Variants in OTUD7A observed in about 807,000 individuals in gnomAD.
The protein encoded by OTUD7A is OTU domain-containing protein 7A.
Under a neutral mutation model 65.7 loss-of-function variants are expected in OTUD7A, and 12 were observed. The observed-to-expected ratio is 0.18, with a 90% confidence interval of 0.12 to 0.30. The LOEUF (loss-of-function observed/expected upper bound fraction) is 0.30. OTUD7A is among the 10% of genes least tolerant of loss of function. The pLI, the probability that OTUD7A is intolerant of heterozygous loss-of-function variation, is 1.00. For synonymous variants in OTUD7A, 641 were observed against 586.3 expected, an observed-to-expected ratio of 1.09 and a Z score of -1.35; for missense variants, 1,148 against 1,304.8, an observed-to-expected ratio of 0.88 and a Z score of 1.85.
At chr15:31,663,893 A>T (rs536323008) in intron 1 of OTUD7A, among the ~76,000 whole-genome samples, 1 of 152,196 alleles carries the variant, frequency 6.6e-6, no homozygotes, top group Non-Finnish European at 1.5e-5. Flanking sequence ...CTCATAGCTT[A>T]GCTCCCACAT....
At chr15:31,720,798 C>T (rs1388433079) in intron 1 of OTUD7A, among the ~76,000 whole-genome samples, 1 of 151,200 alleles carries the variant, frequency 6.6e-6, no homozygotes, top group East Asian at 1.9e-4. Context: ...ATTCACCACC[C>T]TGGCCTTCAC....
At chr15:31,642,584 A>G (rs1477191667) in intron 3 of OTUD7A, among the ~76,000 whole-genome samples, 2 of 147,214 alleles carry the variant, frequency 1.4e-5, no homozygotes, top group Admixed American at 6.7e-5. Context: ...ACCTATTCAA[A>G]TCATTTTTTT....
intron 1 of OTUD7A, among the ~76,000 whole-genome samples, chr15:31,750,026 A>G (rs1057171388): frequency 1.3e-5 from 2 of 152,354 alleles, no homozygotes; most frequent in Middle Eastern, 3.4e-3. Context: ...ACATCTCTAA[A>G]GCAGAACTCA....
chr15:31,606,431 T>C (rs1187054696), intron 3 of OTUD7A, among the ~76,000 whole-genome samples: 1 of 152,236 alleles, frequency 6.6e-6, no homozygotes, highest in Non-Finnish European at 1.5e-5. Flanking sequence ...TGGTGGCTTT[T>C]GGAGTTGTTT....
rs28427053 is a variant in OTUD7A at position 31,790,443 on chromosome 15, G to C, written c.-100+80064C>G. ...AGGAGAGGCCATGTCTGGAACCCAG[G>C]TGTTTTGATTCAAAAACTAGAATTG... On this transcript the variant is annotated intron_variant, in intron 1 of 12. Coordinates refer to ENST00000307050, the MANE Select transcript of OTUD7A (RefSeq NM_001382637.1). Among the ~76,000 whole-genome samples the C allele has an allele frequency of 5.8e-3, 883 of 152,326 alleles. 3 individuals are homozygous for C. The highest frequency in any genetic ancestry group is 0.02 in the African/African-American group (848 of 41,564).
rs35331601 is a variant in OTUD7A, at chr15:31,497,254, ATT to A, written c.1171+4434_1171+4435del. 2.8e-4 allele frequency among the ~76,000 whole-genome samples: 41 copies of A among 148,248 alleles called. No individual in the cohort carries two copies. The South Asian group carries it at 5.8e-3, about 21-fold the overall frequency. On this transcript the variant is annotated intron_variant, in intron 10 of 12. Coordinates refer to ENST00000307050, the MANE Select transcript of OTUD7A (RefSeq NM_001382637.1). ...ATTTAAATAATTGACTTATATGTTA[ATT>A]TTTTTTTTTTTGAGATGAAGTCTCA...
intron 5 of OTUD7A, among the ~76,000 whole-genome samples, chr15:31,533,430 T>G (rs1217988764): frequency 6.6e-6 from 1 of 152,006 alleles, no homozygotes; most frequent in Admixed American, 6.6e-5. Flanking sequence ...AGAGATAGAG[T>G]TTTACCATGT....
chr15:31,485,818 C>T (rs942697425), intron 12 of OTUD7A, among the ~76,000 whole-genome samples: 6 of 152,176 alleles, frequency 3.9e-5, no homozygotes, highest in Admixed American at 1.3e-4. Flanking sequence ...CCCCTCAAAC[C>T]CTTCAAGCAA....
intron 4 of OTUD7A, among the ~76,000 whole-genome samples, chr15:31,569,254 T>C (rs1296873339): frequency 6.6e-6 from 1 of 152,216 alleles, no homozygotes; most frequent in Non-Finnish European, 1.5e-5. Flanking sequence ...TCTTTCAGCA[T>C]TGCTTTCAGT....
chr15:31,829,389 C>T (rs1896876464), intron 1 of OTUD7A, among the ~76,000 whole-genome samples: 1 of 152,208 alleles, frequency 6.6e-6, no homozygotes, highest in African/African-American at 2.4e-5. Context: ...GGAAGTCACA[C>T]CCTGTGAAGA....
chr15:31,565,947 C>T (rs536347515), intron 4 of OTUD7A, among the ~76,000 whole-genome samples: 2 of 152,270 alleles, frequency 1.3e-5, no homozygotes, highest in South Asian at 4.1e-4. Context: ...AATCCCAGCA[C>T]TTTGGGAGGC....
chr15:31,655,659 ATT>A (rs1376240841), intron 2 of OTUD7A, among the ~76,000 whole-genome samples: 2 of 152,148 alleles, frequency 1.3e-5, no homozygotes, highest in Non-Finnish European at 2.9e-5. Context: ...TGTGGAATAC[ATT>A]TCTGTTGTTC....
At chr15:31,780,129 C>T (rs371588177) in intron 1 of OTUD7A, among the ~76,000 whole-genome samples, 1 of 152,302 alleles carries the variant, frequency 6.6e-6, no homozygotes, top group South Asian at 2.1e-4. Context: ...ATGACTCTTT[C>T]TGTAGTATCT....
At chr15:31,670,979 A>G (rs890047000) in intron 1 of OTUD7A, among the ~76,000 whole-genome samples, 3 of 151,540 alleles carry the variant, frequency 2.0e-5, no homozygotes, top group African/African-American at 4.9e-5. Flanking sequence ...TGGGGGACAA[A>G]GCGAGACTCC....
chr15:31,700,623 G>C (rs1893193065), intron 1 of OTUD7A, among the ~76,000 whole-genome samples: 2 of 151,958 alleles, frequency 1.3e-5, no homozygotes, highest in Non-Finnish European at 2.9e-5. Context: ...ATAAAATCAT[G>C]ATATTCATAG....
At position 31,817,866 on chromosome 15, in the gene OTUD7A, G is replaced by A. The variant is rs746315559; in HGVS notation, c.-100+52641C>T. On this transcript the variant is annotated intron_variant, in intron 1 of 12. Coordinates refer to ENST00000307050, the MANE Select transcript of OTUD7A (RefSeq NM_001382637.1). ...AATGGTATGTGTCCTTCCAACATTC[G>A]TAGATAGAACTTAAGCCTCAAGGTG... Among the ~76,000 whole-genome samples the A allele has an allele frequency of 3.9e-5, 6 of 152,300 alleles. No homozygotes were observed. The East Asian group carries it at 9.6e-4, about 24-fold the overall frequency.
chr15:31,698,493 T>C (rs1893135537), intron 1 of OTUD7A, among the ~76,000 whole-genome samples: 4 of 152,252 alleles, frequency 2.6e-5, no homozygotes, highest in Admixed American at 2.6e-4. Flanking sequence ...AAAATGCAAG[T>C]TCCCAGGCTC....
At chr15:31,637,586 G>T (rs907407522) in intron 3 of OTUD7A, among the ~76,000 whole-genome samples, 8 of 152,190 alleles carry the variant, frequency 5.3e-5, no homozygotes, top group African/African-American at 1.7e-4. Flanking sequence ...GGCTATAACT[G>T]CCATAGATAG....
Position 31,487,648 on chromosome 15 carries a change from C to G in OTUD7A, c.1172-82G>C. ...GCAAGGAAATTCCCAAGCCAGGTAT[C>G]TGGGTGACAAATGCACCGAGTGGAC... On this transcript the variant is annotated intron_variant, in intron 10 of 12. Coordinates refer to ENST00000307050, the MANE Select transcript of OTUD7A (RefSeq NM_001382637.1). This position sits in a 1 kb window ranked among gnomAD's most constrained non-coding sequence, Gnocchi z 6.0. 3 of 1,114,812 alleles carry G rather than the reference C, an allele frequency of 2.7e-6. No homozygotes were observed. The highest frequency in any genetic ancestry group is 3.8e-6 in the Non-Finnish European group (3 of 784,216). The allele number at this position is 1,114,812 out of a possible 1,614,324, so 69.1% of individuals were successfully genotyped here.
Sources: gnomAD v4.1 joint callset for allele counts (sites outside exome capture counted in the v4.1 genomes callset) on GRCh38, gnomAD v4.1.1 for gene constraint, Gnocchi (gnomAD v3.1) non-coding constraint, MANE v1.5 for transcripts, NCBI Gene and HGNC (gene_info 2026-07-23, HGNC 2026-07-21) for gene names.